CHD8: variants seen among roughly 807,000 people sequenced by gnomAD.
CHD8 encodes chromodomain helicase DNA binding protein 8.
Under a neutral mutation model 279.2 loss-of-function variants are expected in CHD8, and 31 were observed. That is an observed-to-expected ratio of 0.11 (90% CI 0.08 to 0.15). The LOEUF is 0.15. CHD8 is among the 10% of genes least tolerant of loss of function. CHD8 has a pLI of 1.00. For synonymous variants in CHD8, 1,081 were observed against 1,139.6 expected (o/e 0.95, Z 1.04); for missense variants, 2,146 against 3,230.5 (o/e 0.66, Z 8.14).
Position 21,391,873 on chromosome 14 carries a change from A to C in CHD8, c.6845T>G (p.Leu2282Arg). The C allele has an allele frequency of 6.2e-7, 1 of 1,613,836 alleles. No individual in the cohort carries two copies. The highest frequency in any genetic ancestry group is 8.5e-7 in the Non-Finnish European group (1 of 1,179,702). Residue 2282 changes from leucine to arginine, a missense_variant, in exon 35 of 38, where the codon CTG (leucine) becomes CGG (arginine). Physicochemically the swap from Leu to Arg is moderately radical, Grantham distance 102 (BLOSUM62 -2). Transcript: ENST00000646647. The part of the protein sequence containing the change: ...ANGVMGDGHP[L>R]FHKKKGNRKK... ...TCTGTTCCCCTTCTTCTTATGAAAC[A>C]GTGGATGTCCATCTCCCATTACTCC...
At chr14:21,419,437 G>A (rs1374050443) in intron 5 of CHD8, among the ~76,000 whole-genome samples, 1 of 152,196 alleles carries the variant, frequency 6.6e-6, no homozygotes, top group Non-Finnish European at 1.5e-5. Context: ...GCATGTGCCT[G>A]CAGTCTCAGC....
In CHD8 at chr14:21,412,985, G is replaced by A; in HGVS notation, c.2154C>T (p.Pro718=). The A allele has an allele frequency of 6.2e-7, 1 of 1,603,408 alleles. No individual in the cohort carries two copies. Among genetic ancestry groups the A allele is most frequent in the African/African-American group, 1.3e-5 (1 of 74,818 alleles). ...CCACCTCTACGTAGTCTGGATTAAA[G>A]GGCTCTTCATCCTAGATGAGTTAGG... ...MRHFFHEDEE[P]FNPDYVEVDR... The change falls in exon 10 of 38, where the codon CCC becomes CCT. Residue 718 remains proline, a synonymous_variant. Transcript: ENST00000646647.
rs1338245245 is a variant in CHD8 at position 21,431,497 on chromosome 14, C to T, written c.147G>A (p.Met49Ile). The change falls in exon 2 of 38, where the codon ATG becomes ATA. Residue 49 changes from methionine to isoleucine, a missense_variant. Around this residue, in one of 26 missense-constraint regions of CHD8, gnomAD observed 302 missense variants for 325.5 expected, o/e 0.93. Coordinates refer to ENST00000646647, the MANE Select transcript of CHD8 (RefSeq NM_001170629.2). The part of the protein sequence containing the change: ...LPSSLDSLDQ[M>I]NQDGGGGDVG... ...CATCACCACCTCCACCATCCTGGTT[C>T]ATCTGATCCAAGGAGTCCAGAGAGC... 2 of 1,537,216 alleles carry T rather than the reference C, an allele frequency of 1.3e-6. No individual in the cohort carries two copies. The highest frequency in any genetic ancestry group is 2.4e-5 in the South Asian group (2 of 84,054).
chr14:21,395,269 G>T (rs371191190), intron 29 of CHD8, 29 bp downstream of exon 29: 114 of 1,579,348 alleles, frequency 7.2e-5, no homozygotes, highest in East Asian at 6.3e-4. Flanking sequence ...ACCCCACACA[G>T]AATTATACTA....
intron 37 of CHD8, 30 bp downstream of exon 37, chr14:21,390,917 A>G: frequency 9.5e-7 from 1 of 1,049,210 alleles, no homozygotes; most frequent in Non-Finnish European, 1.5e-6. Flanking sequence ...TAGTGTGGGA[A>G]TAGAGTGGTA....
intron 8 of CHD8, 104 bp from the exon 9 acceptor site, chr14:21,414,522 C>T (rs190344394): frequency 1.5e-5 from 10 of 655,052 alleles, no homozygotes; most frequent in African/African-American, 1.3e-4. Flanking sequence ...CAAATACAGG[C>T]TTAAATTGGG....
At chr14:21,440,712 A>G (rs1889935875) in intron 1 of CHD8, among the ~76,000 whole-genome samples, 1 of 152,170 alleles carries the variant, frequency 6.6e-6, no homozygotes, top group Non-Finnish European at 1.5e-5. Flanking sequence ...AAGGAACTGG[A>G]TAGAGATGAA....
rs538073054 is a variant in CHD8, at chr14:21,388,012, T to C, written c.7183-1836A>G. On this transcript the variant is annotated intron_variant, in intron 37 of 37. Transcript: ENST00000646647. The stretch of plus-strand genomic sequence containing the variant: ...AAAGACAGAGATGGCATTAGCCTTC[T>C]AGCCACCAGCCTTTCCCATATCAAC... 7.2e-5 allele frequency among the ~76,000 whole-genome samples: 11 copies of C among 152,332 alleles called. No homozygotes were observed. The South Asian group carries it at 1.4e-3, about 20-fold the overall frequency.
At chr14:21,433,705 G>T (rs568644925) in intron 1 of CHD8, among the ~76,000 whole-genome samples, 1 of 152,098 alleles carries the variant, frequency 6.6e-6, no homozygotes. Flanking sequence ...AAACAAGATC[G>T]TCCTTGCTTC....
intron 1 of CHD8, among the ~76,000 whole-genome samples, chr14:21,442,226 G>A (rs890017388): frequency 6.6e-6 from 1 of 152,174 alleles, no homozygotes; most frequent in Non-Finnish European, 1.5e-5. Context: ...CCCATCACTG[G>A]GAGGCGGAGG....
rs757299407 is a variant in CHD8, at chr14:21,392,621, A to G, written c.6657T>C (p.Ser2219=). ...CCTCCTCTGCCATGGAAGCTGCACT[A>G]CTACTTCGTGGTGTGGGGACTGGAG... The part of the protein sequence containing the change: ...GDSPVPTPRS[S]SAASMAEEEA... Residue 2219 remains serine, a synonymous_variant, in exon 34 of 38, where the codon AGT becomes AGC. Transcript: ENST00000646647. 2 of 1,613,956 alleles carry G rather than the reference A, an allele frequency of 1.2e-6. No homozygotes were observed. The highest frequency in any genetic ancestry group is 3.3e-5 in the Admixed American group (2 of 60,020).
At position 21,431,334 on chromosome 14, in the gene CHD8, G is replaced by T; in HGVS notation, c.310C>A (p.Gln104Lys). ...GTCTGTAAGACAGGTTGGGCTGGCT[G>T]CTCCTGGCTGGCAGGCTGAGTGGTA... ...DYTTQPASQE[Q>K]PAQPVLQTST... Residue 104 changes from glutamine (Q) to lysine (K), a missense_variant, in exon 2 of 38, where the codon CAG becomes AAG. Transcript: ENST00000646647. The T allele has an allele frequency of 6.5e-7, 1 of 1,541,052 alleles. No individual in the cohort carries two copies. Among genetic ancestry groups the T allele is most frequent in the Non-Finnish European group, 8.7e-7 (1 of 1,149,178 alleles).
In CHD8 at chr14:21,395,930, G is replaced by C. The variant is rs377434778; in HGVS notation, c.5052-38C>G. 2.9e-6 allele frequency: 4 copies of C among 1,358,758 alleles called. No homozygotes were observed. In the Admixed American group the frequency reaches 6.9e-5, roughly 23 times the overall value. The allele number at this position is 1,358,758 out of a possible 1,614,324, so 84.2% of individuals were successfully genotyped here. A position where few individuals can be genotyped will look rare whatever the true frequency, so the allele number is the denominator to read the frequency against. ...AGAGGCACAAGAAAATGTTAATAATGTATCTTCTATCACTAAGGGAACCTA... is the reference window on the plus strand; with the variant it reads ...AGAGGCACAAGAAAATGTTAATAATCTATCTTCTATCACTAAGGGAACCTA... On this transcript the variant is annotated intron_variant, in intron 27 of 37. Transcript: ENST00000646647.
chr14:21,401,698 C>T, intron 20 of CHD8, 185 bp from the exon 21 acceptor site: 1 of 581,914 alleles, frequency 1.7e-6, no homozygotes, highest in Non-Finnish European at 3.0e-6. Context: ...GATTCTCCTG[C>T]CTCAGCCTCC....
At chr14:21,420,051 C>T (rs1888952245) in intron 5 of CHD8, 1 of 158,788 alleles carries the variant, frequency 6.3e-6, no homozygotes, top group Non-Finnish European at 1.4e-5. Context: ...AAAGTTATCA[C>T]ACTGGGCAGG....
intron 1 of CHD8, among the ~76,000 whole-genome samples, chr14:21,452,256 A>C (rs1249453672): frequency 6.7e-6 from 1 of 149,290 alleles, no homozygotes; most frequent in East Asian, 2.1e-4. Flanking sequence ...GTTGGCTAGG[A>C]TGCCCGCCTT....
In CHD8 at chr14:21,396,151, C is replaced by T. The variant is rs140691947; in HGVS notation, c.5052-259G>A. ...AGCTGGGACTACAGGTGTGTGCCAC[C>T]GCACCCGGCTAATTTTCATATTTTT... On this transcript the variant is annotated intron_variant, in intron 27 of 37. Coordinates refer to ENST00000646647, the MANE Select transcript of CHD8 (RefSeq NM_001170629.2). Among the ~76,000 whole-genome samples the T allele has an allele frequency of 5.6e-3, 856 of 152,060 alleles. 8 individuals are homozygous for T. Among genetic ancestry groups the T allele is most frequent in the African/African-American group, 0.019 (788 of 41,476 alleles).
chr14:21,425,912 G>C (rs1889293870), intron 5 of CHD8: 1 of 507,296 alleles, frequency 2.0e-6, no homozygotes, highest in Non-Finnish European at 3.5e-6. Flanking sequence ...CTTCAGGCCT[G>C]GGTGAGAGAG....
chr14:21,441,698 C>T (rs181892258), intron 1 of CHD8, among the ~76,000 whole-genome samples: 50 of 151,984 alleles, frequency 3.3e-4, no homozygotes, highest in East Asian at 1.4e-3. Flanking sequence ...ACCATCCTGG[C>T]TAACACGGTG....
Sources: gnomAD v4.1 joint callset for allele counts (sites outside exome capture counted in the v4.1 genomes callset) on GRCh38, gnomAD v4.1.1 for gene constraint, gnomAD v4.1.1 regional missense constraint, MANE v1.5 for transcripts, NCBI Gene and HGNC (gene_info 2026-07-23, HGNC 2026-07-21) for gene names.